DMBT1: variants seen among roughly 807,000 people sequenced by gnomAD.
DMBT1 encodes the protein scavenger receptor cysteine-rich domain-containing protein DMBT1.
DMBT1 carries 198 observed loss-of-function variants against 252.9 expected under a neutral mutation model. The observed-to-expected ratio is 0.78, with a 90% CI of 0.70 to 0.88. The LOEUF (loss-of-function observed/expected upper bound fraction) is 0.88. Ranked by LOEUF, DMBT1 falls within the 40% of genes least tolerant of loss-of-function variation. DMBT1 has a pLI of 0.00. For synonymous variants in DMBT1, 990 were observed against 942.7 expected (o/e 1.05, Z -0.92); for missense variants, 2,432 against 2,404.7 (o/e 1.01, Z -0.24).
intron 52 of DMBT1, among the ~76,000 whole-genome samples, chr10:122,634,446 C>G (rs1252266404): frequency 0.035 from 2,584 of 73,358 alleles, 60 homozygotes; most frequent in South Asian, 0.14. Flanking sequence ...CTCTCTCTCT[C>G]TCTCTCTCTC....
rs191098913 is a variant in DMBT1 at position 122,600,076 on chromosome 10, G to C, written c.3293G>C (p.Arg1098Pro). Residue 1098 changes from arginine (R) to proline (P), a missense_variant, in exon 27 of 56, where the codon CGG becomes CCG. Physicochemically the swap from Arg to Pro is moderately radical, Grantham distance 103 (BLOSUM62 -2). This residue lies in a region of DMBT1 where 1,264 missense variants were observed against 1,082.2 expected (regional missense o/e 1.17). Transcript: ENST00000338354. ...AGVICSASQS[R>P]PTPSPDTWPT... ...CTCTTTCTCACAGCTTCCCAGTCCC[G>C]GCCAACACCTAGTCCAGGTGGGTCC... 1.2e-6 allele frequency: 2 copies of C among 1,606,786 alleles called. No homozygotes were observed. Among genetic ancestry groups the C allele is most frequent in the Non-Finnish European group, 1.7e-6 (2 of 1,178,214 alleles).
Position 122,586,880 on chromosome 10 carries a change from G to C in DMBT1, c.1783+497G>C, listed in dbSNP as rs142289036. ...CGAGGGATGAAGCAAGATGGCAGAAGAAGATGGGGAGGTGGCCTGGACAGA... is the reference window on the plus strand; with the variant it reads ...CGAGGGATGAAGCAAGATGGCAGAACAAGATGGGGAGGTGGCCTGGACAGA... On this transcript the variant is annotated intron_variant, in intron 16 of 55. Transcript: ENST00000338354. Among the ~76,000 whole-genome samples, 70 of 148,588 alleles carry C rather than the reference G, an allele frequency of 4.7e-4. 4 individuals are homozygous for C. In the Middle Eastern group the frequency reaches 0.01, roughly 22 times the overall value.
intron 19 of DMBT1, 120 bp downstream of exon 19, chr10:122,591,637 T>A (rs978628820): frequency 2.6e-6 from 3 of 1,149,298 alleles, no homozygotes; most frequent in African/African-American, 1.5e-5. Context: ...CCCTGTGCGC[T>A]GAGTGGGAGG....
At chr10:122,585,389 G>A (rs2097780936) in intron 15 of DMBT1, 80 bp downstream of exon 15, 2 of 1,495,544 alleles carry the variant, frequency 1.3e-6, no homozygotes, top group Non-Finnish European at 1.8e-6. Context: ...ATAGGATGAG[G>A]GTCAAGGTGG....
chr10:122,629,055 C>T (rs1174970979), intron 46 of DMBT1, among the ~76,000 whole-genome samples: 1 of 152,112 alleles, frequency 6.6e-6, no homozygotes, highest in Admixed American at 6.5e-5. Flanking sequence ...TACTATAAAC[C>T]AACCAACAAA....
chr10:122,573,098 C>T (rs3116706), intron 5 of DMBT1, among the ~76,000 whole-genome samples: 7 of 151,926 alleles, frequency 4.6e-5, no homozygotes, highest in African/African-American at 1.7e-4. Context: ...TCCCCAAAGA[C>T]GAGTTTCTGG....
intron 16 of DMBT1, among the ~76,000 whole-genome samples, chr10:122,588,261 T>A (rs1402402846): frequency 2.0e-5 from 3 of 148,176 alleles, no homozygotes; most frequent in African/African-American, 7.3e-5. Context: ...TGGGTCCCTG[T>A]CTTTTTCATA....
rs2097849660 is a variant in DMBT1 at position 122,591,596 on chromosome 10, G to A, written c.2176+79G>A. 20 of 1,420,914 alleles carry A rather than the reference G, an allele frequency of 1.4e-5. 1 individual carries two copies. The highest frequency in any genetic ancestry group is 1.9e-5 in the Non-Finnish European group (19 of 1,024,886). The allele number at this position is 1,420,914 out of a possible 1,614,324, so 88.0% of individuals were successfully genotyped here. ...GTTTTCTCTGAAAATGATAGGATGAGGGTCAAGGTGGGCCCCTGTCTTTTT... is the reference window on the plus strand; with the variant it reads ...GTTTTCTCTGAAAATGATAGGATGAAGGTCAAGGTGGGCCCCTGTCTTTTT... On this transcript the variant is annotated intron_variant, in intron 19 of 55. Transcript: ENST00000338354.
At chr10:122,619,874 C>T (rs1043088840) in intron 42 of DMBT1, among the ~76,000 whole-genome samples, 7 of 152,230 alleles carry the variant, frequency 4.6e-5, no homozygotes, top group Admixed American at 1.3e-4. Context: ...TTTCTGGTGC[C>T]TCCACTTATC....
rs1445231840 is a variant in DMBT1, at chr10:122,592,642, T to C, written c.2500+47T>C. 4 of 1,585,170 alleles carry C rather than the reference T, an allele frequency of 2.5e-6. 2 individuals are homozygous for C. Among genetic ancestry groups the C allele is most frequent in the South Asian group, 2.3e-5 (2 of 86,178 alleles). The stretch of plus-strand genomic sequence containing the variant: ...CTCCCTCTCCTAGACTGGAGTTTGC[T>C]CAGGAAGAAAATCCTAATTACATTC... On this transcript the variant is annotated intron_variant, in intron 20 of 55. Coordinates refer to ENST00000338354, the MANE Select transcript of DMBT1 (RefSeq NM_001377530.1).
rs372716015 is a variant in DMBT1, at chr10:122,631,040, C to G, written c.6105C>G (p.Thr2035=). The change falls in exon 49 of 56, where the codon ACC becomes ACG. Residue 2035 remains threonine, a synonymous_variant. Transcript: ENST00000338354. ...AGRVEIYHGG[T]WGTVCDDSWT... ...GTGTAGAAATTTACCATGGTGGCAC[C>G]TGGGGGACAGTTTGTGATGACTCCT... The G allele has an allele frequency of 8.7e-6, 14 of 1,613,596 alleles. No homozygotes were observed. The highest frequency in any genetic ancestry group is 1.2e-5 in the Non-Finnish European group (14 of 1,179,676).
In DMBT1 at chr10:122,640,321, C is replaced by G. The variant is rs1487499752; in HGVS notation, c.7224C>G (p.Asn2408Lys). ...GCCGCCCTTACTACGTGGACCTGAA[C>G]CAGGACTTGTACGTTCAGGCTGAAA... ...VTSRPYYVDL[N>K]QDLYVQAEIL... Residue 2408 changes from asparagine to lysine, a missense_variant, in exon 55 of 56, where the codon AAC (asparagine) becomes AAG (lysine). Around this residue, in one of 3 missense-constraint regions of DMBT1, gnomAD observed 1,162 missense variants for 1,169.0 expected, o/e 0.99. Coordinates refer to ENST00000338354, the MANE Select transcript of DMBT1 (RefSeq NM_001377530.1). 2 of 1,614,066 alleles carry G rather than the reference C, an allele frequency of 1.2e-6. No homozygotes were observed.
intron 46 of DMBT1, 25 bp from the exon 47 acceptor site, chr10:122,629,815 G>T (rs752642974): frequency 3.1e-6 from 5 of 1,610,864 alleles, no homozygotes; most frequent in Non-Finnish European, 4.2e-6. Flanking sequence ...TGGTACAATG[G>T]AGATGTCCCC....
At chr10:122,628,466 T>C (rs1359132306) in intron 46 of DMBT1, among the ~76,000 whole-genome samples, 1 of 152,062 alleles carries the variant, frequency 6.6e-6, no homozygotes. Flanking sequence ...TGAAACCCTG[T>C]CTCTACTAAA....
rs72836136 is a variant in DMBT1 at position 122,631,205 on chromosome 10, T to C, written c.6270T>C (p.Thr2090=). ...TAGAGTGCTCAGGGACGGAATCCAC[T>C]CTCTGGCAGTGCCGGAACCGAGGCT... ...DDVECSGTES[T]LWQCRNRGWF... Residue 2090 remains threonine, a synonymous_variant, in exon 49 of 56, where the codon ACT becomes ACC. Coordinates refer to ENST00000338354, the MANE Select transcript of DMBT1 (RefSeq NM_001377530.1). 0.04 allele frequency: 64,819 copies of C among 1,613,976 alleles called. 1,504 individuals are homozygous for C. The highest frequency in any genetic ancestry group is 0.047 in the Non-Finnish European group (55,219 of 1,179,888).
intron 44 of DMBT1, among the ~76,000 whole-genome samples, chr10:122,624,569 G>A (rs1382597232): frequency 1.3e-5 from 2 of 152,180 alleles, no homozygotes; most frequent in Non-Finnish European, 2.9e-5. Context: ...GCTGGTGAAT[G>A]GAGGTGACCA....
Position 122,617,270 on chromosome 10 carries a change from C to G in DMBT1, c.4891+10C>G, listed in dbSNP as rs762505208. The stretch of plus-strand genomic sequence containing the variant: ...CGTGCATCAACAGCAGGTAAACAAT[C>G]CTCTCACCCCTCCCTAGGGCTCACT... On this transcript the variant is annotated intron_variant, in intron 40 of 55. Coordinates refer to ENST00000338354, the MANE Select transcript of DMBT1 (RefSeq NM_001377530.1). 4.4e-6 allele frequency: 7 copies of G among 1,608,618 alleles called. No homozygotes were observed. Among genetic ancestry groups the G allele is most frequent in the Non-Finnish European group, 5.9e-6 (7 of 1,178,126 alleles).
At chr10:122,598,520 G>A (rs1218379710) in intron 25 of DMBT1, among the ~76,000 whole-genome samples, 1 of 152,102 alleles carries the variant, frequency 6.6e-6, no homozygotes, top group Admixed American at 6.5e-5. Context: ...TAGGGAATGG[G>A]GTTTCCATTC....
chr10:122,591,787 T>C (rs780885330), intron 19 of DMBT1, among the ~76,000 whole-genome samples: 12 of 149,114 alleles, frequency 8.0e-5, no homozygotes, highest in African/African-American at 2.4e-4. Context: ...GAGAGCTCCC[T>C]ACTCCTGGGA....
Sources: allele counts gnomAD v4.1 joint callset (sites outside exome capture counted in the v4.1 genomes callset), GRCh38; gene constraint gnomAD v4.1.1; regional missense constraint gnomAD v4.1.1; transcripts MANE v1.5; gene names NCBI Gene and HGNC (gene_info 2026-07-23, HGNC 2026-07-21).